The following ZNF214 variants were observed in gnomAD, a reference collection of about 807,000 sequenced individuals.
ZNF214 encodes the protein zinc finger protein 214, also known as BWSCR2-associated zinc finger protein 1.
Under a neutral mutation model 53.9 loss-of-function variants are expected in ZNF214, and 43 were observed. The observed-to-expected ratio is 0.80, with a 90% confidence interval of 0.63 to 1.03. ZNF214 has a LOEUF of 1.03. Among genes scored for constraint, ZNF214 ranks in the 50% least tolerant of loss-of-function variants. ZNF214 has a pLI of 0.00. For synonymous variants in ZNF214, 217 were observed against 229.5 expected (o/e 0.95, Z 0.49); for missense variants, 724 against 719.1 (o/e 1.01, Z -0.08).
Position 6,997,669 on chromosome 11 carries a change from T to C in ZNF214, c.*2193A>G, listed in dbSNP as rs1851218864. Among the ~76,000 whole-genome samples, 1 of 150,952 alleles carries C rather than the reference T, an allele frequency of 6.6e-6. No individual in the cohort carries two copies. Among genetic ancestry groups the C allele is most frequent in the African/African-American group, 2.4e-5 (1 of 41,170 alleles). ...AGTCCCTGCTATTTAAGATCAGAAA[T>C]GTGGCACTTATGGTCTCTCTCCAGT... On this transcript the variant is annotated 3_prime_UTR_variant, in exon 3 of 3. Transcript: ENST00000278314.
At chr11:7,002,971 A>C in intron 1 of ZNF214, 116 bp from the exon 2 acceptor site, 1 of 982,430 alleles carries the variant, frequency 1.0e-6, no homozygotes, top group Non-Finnish European at 1.4e-6. Context: ...AAAACCAAGA[A>C]AGGTAAGGAG....
In ZNF214 at chr11:7,001,410, A is replaced by C. The variant is rs562698515; in HGVS notation, c.273T>G (p.Asp91Glu). The change falls in exon 3 of 3, where the codon GAT (aspartate) becomes GAG (glutamate). Residue 91 changes from aspartate (D) to glutamate (E), a missense_variant. Physicochemically the swap from Asp to Glu is conservative, Grantham distance 45. Transcript: ENST00000278314. ...GATCTTGCTGTGTGAGGTCTTTGGA[A>C]TCTGTCCCTTGAACAGTTTCCCCAT... is the stretch of plus-strand genomic sequence containing the variant. The part of the protein sequence containing the change: ...QNYGETVQGT[D>E]SKDLTQQDRS... The C allele has an allele frequency of 5.0e-6, 8 of 1,613,236 alleles. No homozygotes were observed. In the East Asian group the frequency reaches 6.7e-5, roughly 13 times the overall value.
intron 1 of ZNF214, among the ~76,000 whole-genome samples, chr11:7,010,430 G>A (rs983657752): frequency 1.8e-4 from 28 of 151,922 alleles, no homozygotes; most frequent in African/African-American, 5.3e-4. Context: ...AAGGTAGAGG[G>A]TGAGAGGAGG....
At position 7,002,739 on chromosome 11, in the gene ZNF214, A is replaced by T; in HGVS notation, c.97T>A (p.Trp33Arg). Residue 33 changes from tryptophan (W) to arginine (R), a missense_variant, in exon 2 of 3, where the codon TGG becomes AGG. By Grantham distance (101) the Trp-to-Arg change is moderately radical. Transcript: ENST00000278314. ...GACATGACATTTGTGTAGTTCTCCC[A>T]CATGACCTCCCTGTAGAGTCTTTTT... is the stretch of plus-strand genomic sequence containing the variant. ...SQKRLYREVMWENYTNVMSVE... is the reference protein window; with the variant it reads ...SQKRLYREVMRENYTNVMSVE... 3 of 1,607,488 alleles carry T rather than the reference A, an allele frequency of 1.9e-6. No individual in the cohort carries two copies. The highest frequency in any genetic ancestry group is 2.5e-6 in the Non-Finnish European group (3 of 1,177,066).
rs1319743917 is a variant in ZNF214 at position 7,000,947 on chromosome 11, G to T, written c.736C>A (p.Leu246Ile). 6.2e-7 allele frequency: 1 copy of T among 1,612,838 alleles called. No homozygotes were observed. The highest frequency in any genetic ancestry group is 1.3e-5 in the African/African-American group (1 of 74,824). ...FHKRNQPGEN[L>I]CQCSICKACF... The stretch of plus-strand genomic sequence containing the variant: ...GCTTTACAGATGGAGCATTGACAGA[G>T]GTTTTCTCCAGGTTGATTTCTCTTG... The change falls in exon 3 of 3, where the codon CTC becomes ATC. Residue 246 changes from leucine (L) to isoleucine (I), a missense_variant. Leu to Ile is a conservative substitution (Grantham distance 5). Transcript: ENST00000278314.
Position 6,997,198 on chromosome 11 carries a change from G to T in ZNF214, c.*2664C>A, listed in dbSNP as rs1282818956. ...TATTCCAAGAATTTAGAAAACTAAT[G>T]ATTTTGTATTTTTGCCCAACTTAAT... On this transcript the variant is annotated 3_prime_UTR_variant, in exon 3 of 3. Transcript: ENST00000278314. Among the ~76,000 whole-genome samples, 1 of 151,754 alleles carries T rather than the reference G, an allele frequency of 6.6e-6. No individual in the cohort carries two copies. The highest frequency in any genetic ancestry group is 1.5e-5 in the Non-Finnish European group (1 of 67,836).
intron 1 of ZNF214, among the ~76,000 whole-genome samples, chr11:7,008,989 C>G (rs1383426480): frequency 1.3e-5 from 2 of 151,720 alleles, no homozygotes; most frequent in East Asian, 3.9e-4. Context: ...TCAACATAAT[C>G]AAAATGGCCA....
chr11:7,013,479 C>G (rs1851658197), intron 1 of ZNF214, among the ~76,000 whole-genome samples: 1 of 152,220 alleles, frequency 6.6e-6, no homozygotes, highest in Non-Finnish European at 1.5e-5. Flanking sequence ...AGAACATGTT[C>G]CATATAAATG....
chr11:6,997,266 AG>A lies in ZNF214; in HGVS notation c.*2595del, dbSNP rs548768240. ...CTTTTCACCTTTAAAAACATATTGT[AG>A]GTACTCCTTTATGTTTGTCTAATAA... is the stretch of plus-strand genomic sequence containing the variant. On this transcript the variant is annotated 3_prime_UTR_variant, in exon 3 of 3. Transcript: ENST00000278314. Among the ~76,000 whole-genome samples the A allele has an allele frequency of 4.6e-5, 7 of 152,002 alleles. No individual in the cohort carries two copies. In the South Asian group the frequency reaches 1.2e-3, roughly 27 times the overall value.
intron 1 of ZNF214, among the ~76,000 whole-genome samples, chr11:7,009,248 A>T (rs116207335): frequency 0.57 from 86,359 of 151,194 alleles, 25,563 homozygotes; most frequent in East Asian, 0.73. Context: ...AATGGAACAG[A>T]ATATAGAGCC....
At position 7,000,037 on chromosome 11, in the gene ZNF214, G is replaced by C; in HGVS notation, c.1646C>G (p.Thr549Arg). Residue 549 changes from threonine (T) to arginine (R), a missense_variant, in exon 3 of 3, where the codon ACA (threonine) becomes AGA (arginine). By Grantham distance (71) the Thr-to-Arg change is moderately conservative. Coordinates refer to ENST00000278314, the MANE Select transcript of ZNF214 (RefSeq NM_013249.4). ...AGCACATTGATAAGGCTTCTCTCCT[G>C]TATGGACCCTCTGATGAATGTGAAG... ...SNLHIHQRVH[T>R]GEKPYQCAKC... The C allele has an allele frequency of 1.2e-6, 2 of 1,613,240 alleles. No homozygotes were observed. Among genetic ancestry groups the C allele is most frequent in the South Asian group, 1.1e-5 (1 of 91,044 alleles).
chr11:7,000,117 T>C lies in ZNF214; in HGVS notation c.1566A>G (p.Gly522=). The part of the protein sequence containing the change: ...HLLIHQRVHT[G]EKPYKCHDCG... ...AATCATGACATTTATAGGGCTTTTC[T>C]CCTGTATGGACTCTCTGATGAATGA... Residue 522 remains glycine, a synonymous_variant, in exon 3 of 3, where the codon GGA becomes GGG. Coordinates refer to ENST00000278314, the MANE Select transcript of ZNF214 (RefSeq NM_013249.4). 1 of 1,613,430 alleles carries C rather than the reference T, an allele frequency of 6.2e-7. No homozygotes were observed. Among genetic ancestry groups the C allele is most frequent in the East Asian group, 2.2e-5 (1 of 44,838 alleles).
At chr11:7,014,535 A>G (rs1851701474) in intron 1 of ZNF214, among the ~76,000 whole-genome samples, 1 of 152,190 alleles carries the variant, frequency 6.6e-6, no homozygotes, top group South Asian at 2.1e-4. Flanking sequence ...AAACTAAACA[A>G]TTGTGTTTAG....
chr11:7,000,589 T>C lies in ZNF214; in HGVS notation c.1094A>G (p.Lys365Arg). 6.2e-7 allele frequency: 1 copy of C among 1,610,624 alleles called. No individual in the cohort carries two copies. Among genetic ancestry groups the C allele is most frequent in the Non-Finnish European group, 8.5e-7 (1 of 1,178,632 alleles). ...AAGTACTGAACTCCGATTAAAACTC[T>C]TACCACACTGATTACATTTAAAAGG... ...EKPFKCNQCG[K>R]SFNRSSVLHV... Residue 365 changes from lysine to arginine, a missense_variant, in exon 3 of 3, where the codon AAG becomes AGG. Coordinates refer to ENST00000278314, the MANE Select transcript of ZNF214 (RefSeq NM_013249.4).
chr11:7,005,167 G>C (rs1353562945), intron 1 of ZNF214, among the ~76,000 whole-genome samples: 1 of 151,580 alleles, frequency 6.6e-6, no homozygotes, highest in Non-Finnish European at 1.5e-5. Context: ...ATGACAAATA[G>C]ATATATTTCT....
At chr11:7,002,900 C>T (rs562496914) in intron 1 of ZNF214, 45 bp from the exon 2 acceptor site, 1 of 1,494,948 alleles carries the variant, frequency 6.7e-7, no homozygotes, top group African/African-American at 1.4e-5. Context: ...AAGATAAAGA[C>T]ATTTAGCAGA....
intron 1 of ZNF214, among the ~76,000 whole-genome samples, chr11:7,008,455 A>T (rs7928302): frequency 0.035 from 5,323 of 151,640 alleles, 320 homozygotes; most frequent in African/African-American, 0.12. Flanking sequence ...AAATAAAATT[A>T]AAAAACCCCA....
chr11:6,997,118 A>T lies in ZNF214; in HGVS notation c.*2744T>A, dbSNP rs1407221333. Among the ~76,000 whole-genome samples, 1 of 151,882 alleles carries T rather than the reference A, an allele frequency of 6.6e-6. No homozygotes were observed. The highest frequency in any genetic ancestry group is 1.5e-5 in the Non-Finnish European group (1 of 67,832). On this transcript the variant is annotated 3_prime_UTR_variant, in exon 3 of 3. Coordinates refer to ENST00000278314, the MANE Select transcript of ZNF214 (RefSeq NM_013249.4). ...TATTTCCCCGTTTTTTATTATTTTCATTCTGCATTTTTGTAAATTAAAAAC... is the reference window on the plus strand; with the variant it reads ...TATTTCCCCGTTTTTTATTATTTTCTTTCTGCATTTTTGTAAATTAAAAAC...
chr11:7,019,934 G>A (rs1851874213), intron 1 of ZNF214, 139 bp downstream of exon 1: 1 of 152,086 alleles, frequency 6.6e-6, no homozygotes, highest in African/African-American at 2.4e-5. Flanking sequence ...CCACAGACCC[G>A]GGGGTCCCCT....
Sources: allele counts gnomAD v4.1 joint callset (sites outside exome capture counted in the v4.1 genomes callset), GRCh38; gene constraint gnomAD v4.1.1; transcripts MANE v1.5; gene names NCBI Gene and HGNC (gene_info 2026-07-23, HGNC 2026-07-21).